CTNNA2: variants seen among roughly 807,000 people sequenced by gnomAD.
CTNNA2 encodes the protein catenin alpha-2.
CTNNA2 carries 42 observed loss-of-function variants against 101.0 expected under a neutral mutation model. The observed-to-expected ratio is 0.42, with a 90% CI of 0.32 to 0.54. CTNNA2 has a LOEUF of 0.54. Among genes scored for constraint, CTNNA2 ranks in the 20% least tolerant of loss-of-function variants. The pLI, the probability that CTNNA2 is intolerant of heterozygous loss-of-function variation, is 0.14. For synonymous variants in CTNNA2, 450 were observed against 456.4 expected, an observed-to-expected ratio of 0.99 and a Z score of 0.18; for missense variants, 871 against 1,223.1, an observed-to-expected ratio of 0.71 and a Z score of 4.29.
rs549114948 is a variant in CTNNA2 at position 80,482,173 on chromosome 2, A to ATCCTCC, written c.1290+62585_1290+62590dup. ...AGACTTTGATTAATCTGGTGATCCA[A>ATCCTCC]TCCTCCTCCTCCTCCTCCCAAAAGT... On this transcript the variant is annotated intron_variant, in intron 9 of 18. Transcript: ENST00000402739. 1.2e-4 allele frequency among the ~76,000 whole-genome samples: 18 copies of ATCCTCC among 152,096 alleles called. No homozygotes were observed. In the South Asian group the frequency reaches 2.3e-3, roughly 19 times the overall value.
At chr2:79,311,961 G>A (rs998633999) in intron 2 of CTNNA2, among the ~76,000 whole-genome samples, 25 of 152,044 alleles carry the variant, frequency 1.6e-4, no homozygotes, top group African/African-American at 5.6e-4. Flanking sequence ...GGAGTACAGT[G>A]GGACAATCAT....
chr2:80,170,066 A>G (rs1045042063), intron 7 of CTNNA2, among the ~76,000 whole-genome samples: 4 of 152,316 alleles, frequency 2.6e-5, no homozygotes, highest in African/African-American at 9.6e-5. Context: ...AGTAAGGGCA[A>G]TTCATTTAAA....
chr2:80,442,753 C>T (rs1559114088), intron 9 of CTNNA2, among the ~76,000 whole-genome samples: 1 of 152,160 alleles, frequency 6.6e-6, no homozygotes, highest in East Asian at 1.9e-4. Flanking sequence ...AAACCACTTC[C>T]CCTGCCAAAC....
At position 80,282,273 on chromosome 2, in the gene CTNNA2, G is replaced by GTT. The variant is rs58708297; in HGVS notation, c.1057-110929_1057-110928dup. 8.7e-5 allele frequency among the ~76,000 whole-genome samples: 13 copies of GTT among 149,378 alleles called. No homozygotes were observed. In the East Asian group the frequency reaches 2.0e-3, roughly 23 times the overall value. Reference sequence around the variant, plus strand: ...GTTATTTAAATGTTATTTATTTGCTGTTTTTTTTTTAAGTTTAAAACTTAC... The same window carrying GTT: ...GTTATTTAAATGTTATTTATTTGCTGTTTTTTTTTTTTAAGTTTAAAACTTAC... On this transcript the variant is annotated intron_variant, in intron 7 of 18. Coordinates refer to ENST00000402739, the MANE Select transcript of CTNNA2 (RefSeq NM_001282597.3).
intron 2 of CTNNA2, 32 bp downstream of exon 2, chr2:79,651,690 T>C: frequency 1.3e-6 from 2 of 1,550,116 alleles, no homozygotes; most frequent in Non-Finnish European, 8.9e-7. Flanking sequence ...CTTTGTTATA[T>C]ATGTGTTTCT....
At chr2:79,433,128 G>A (rs1678674438) in intron 4 of CTNNA2, among the ~76,000 whole-genome samples, 1 of 152,172 alleles carries the variant, frequency 6.6e-6, no homozygotes. Context: ...CCTGTTCACA[G>A]CTCACTCCCC....
chr2:80,071,051 G>A (rs1220491330), intron 7 of CTNNA2, among the ~76,000 whole-genome samples: 2 of 152,086 alleles, frequency 1.3e-5, no homozygotes, highest in Non-Finnish European at 2.9e-5. Context: ...TAAAAATCAG[G>A]TAACACTTAC....
chr2:79,814,222 G>T (rs1432010615), intron 3 of CTNNA2, among the ~76,000 whole-genome samples: 2 of 152,104 alleles, frequency 1.3e-5, no homozygotes, highest in East Asian at 3.9e-4. Context: ...GAACCCATAA[G>T]AATTTTTCAA....
At chr2:79,918,267 G>A (rs1401981355) in intron 7 of CTNNA2, among the ~76,000 whole-genome samples, 1 of 152,114 alleles carries the variant, frequency 6.6e-6, no homozygotes, top group East Asian at 1.9e-4. Context: ...GAATGTAAGG[G>A]CATTACTAGA....
At chr2:80,511,529 A>C (rs567283905) in intron 9 of CTNNA2, among the ~76,000 whole-genome samples, 31 of 152,300 alleles carry the variant, frequency 2.0e-4, no homozygotes, top group South Asian at 4.1e-4. Flanking sequence ...GTGGGCCAAG[A>C]CTATTTTATT....
In CTNNA2 at chr2:80,327,959, T is replaced by C. The variant is rs144238592; in HGVS notation, c.1057-65252T>C. On this transcript the variant is annotated intron_variant, in intron 7 of 18. Coordinates refer to ENST00000402739, the MANE Select transcript of CTNNA2 (RefSeq NM_001282597.3). The stretch of plus-strand genomic sequence containing the variant: ...TGTTTTTTTATTTTTTATGTTACTT[T>C]CTCTGTTTTCCCACAATTCGGATGC... 7.1e-3 allele frequency among the ~76,000 whole-genome samples: 1,084 copies of C among 152,330 alleles called. 12 individuals are homozygous for C. The highest frequency in any genetic ancestry group is 0.025 in the African/African-American group (1,020 of 41,570).
intron 15 of CTNNA2, among the ~76,000 whole-genome samples, chr2:80,589,746 C>T (rs1696272343): frequency 6.6e-6 from 1 of 152,114 alleles, no homozygotes; most frequent in African/African-American, 2.4e-5. Context: ...TAAAATCAAA[C>T]CCCGAGGGAC....
chr2:79,920,232 AAAAAC>A (rs2104376330), intron 7 of CTNNA2, among the ~76,000 whole-genome samples: 1 of 152,272 alleles, frequency 6.6e-6, no homozygotes, highest in Admixed American at 6.5e-5. Flanking sequence ...AAACAAAAAC[AAAAAC>A]AAGTGTTCTT....
At chr2:79,956,783 G>A (rs952723151) in intron 7 of CTNNA2, among the ~76,000 whole-genome samples, 3 of 144,298 alleles carry the variant, frequency 2.1e-5, no homozygotes, top group African/African-American at 7.8e-5. Flanking sequence ...GTAATACAAT[G>A]TCTTATCCAG....
At chr2:79,282,478 A>G (rs1156524655) in intron 2 of CTNNA2, among the ~76,000 whole-genome samples, 1 of 151,890 alleles carries the variant, frequency 6.6e-6, no homozygotes, top group Non-Finnish European at 1.5e-5. Flanking sequence ...TCATTGTTCA[A>G]TTCCCACCTA....
At chr2:79,286,884 AG>A (rs1462220033) in intron 2 of CTNNA2, among the ~76,000 whole-genome samples, 3 of 152,180 alleles carry the variant, frequency 2.0e-5, no homozygotes, top group African/African-American at 7.2e-5. Flanking sequence ...CGTCACTTTC[AG>A]GTACACCAAT....
At chr2:79,882,917 C>T (rs1024014863) in intron 6 of CTNNA2, among the ~76,000 whole-genome samples, 3 of 92,946 alleles carry the variant, frequency 3.2e-5, no homozygotes, top group Non-Finnish European at 6.5e-5. Context: ...CATGCTCACT[C>T]ACTGCCTTCC....
At chr2:79,540,657 T>C (rs1049985932) in intron 1 of CTNNA2, among the ~76,000 whole-genome samples, 1 of 152,212 alleles carries the variant, frequency 6.6e-6, no homozygotes, top group Non-Finnish European at 1.5e-5. Context: ...TTTTAAGTCA[T>C]AGTTATGTAT....
At chr2:79,383,444 G>T (rs1430093011) in intron 4 of CTNNA2, among the ~76,000 whole-genome samples, 1 of 152,150 alleles carries the variant, frequency 6.6e-6, no homozygotes, top group Non-Finnish European at 1.5e-5. Context: ...CTGGGGGAGG[G>T]TGAATTACTT....
Sources: gnomAD v4.1 joint callset for allele counts (sites outside exome capture counted in the v4.1 genomes callset) on GRCh38, gnomAD v4.1.1 for gene constraint, MANE v1.5 for transcripts, NCBI Gene and HGNC (gene_info 2026-07-23, HGNC 2026-07-21) for gene names.